The following AJAP1 variants were observed in gnomAD, a reference collection of about 807,000 sequenced individuals.
The protein encoded by AJAP1 is adherens junctions associated protein 1.
A neutral mutation model predicts 35.0 loss-of-function variants in AJAP1; 5 were observed. That is an observed-to-expected ratio of 0.14 (90% confidence interval 0.07 to 0.30). The LOEUF (loss-of-function observed/expected upper bound fraction) is 0.30, where lower values mean the gene tolerates loss of function less well. Among genes scored for constraint, AJAP1 ranks in the 10% least tolerant of loss-of-function variants. The pLI, the probability that AJAP1 is intolerant of heterozygous loss-of-function variation, is 1.00. For missense variants in AJAP1, 586 were observed against 571.0 expected, an observed-to-expected ratio of 1.03 and a Z score of -0.27; for synonymous variants, 284 against 249.3, an observed-to-expected ratio of 1.14 and a Z score of -1.31.
At chr1:4,732,644 G>C (rs1242152303) in intron 2 of AJAP1, among the ~76,000 whole-genome samples, 1 of 152,274 alleles carries the variant, frequency 6.6e-6, no homozygotes, top group Non-Finnish European at 1.5e-5. Flanking sequence ...GCCTGTGCAG[G>C]CAGGTGAGAG....
intron 2 of AJAP1, among the ~76,000 whole-genome samples, chr1:4,729,019 C>T (rs2100295472): frequency 6.6e-6 from 1 of 152,328 alleles, no homozygotes; most frequent in South Asian, 2.1e-4. Flanking sequence ...TGCCCACTGC[C>T]CTCCTGCTCA....
chr1:4,762,728 C>G (rs1203091040), intron 2 of AJAP1, among the ~76,000 whole-genome samples: 1 of 152,138 alleles, frequency 6.6e-6, no homozygotes, highest in Non-Finnish European at 1.5e-5. Flanking sequence ...AATTATTAAG[C>G]CTGAGGGTGA....
rs888288924 is a variant in AJAP1, at chr1:4,723,185, T to G, written c.829+10486T>G. ...CAACTCTTTCTTCAGCTGAAAGGGG[T>G]GCATTTAATTGAGAGGCAGAAGCTG... On this transcript the variant is annotated intron_variant, in intron 2 of 5. Coordinates refer to ENST00000378191, the MANE Select transcript of AJAP1 (RefSeq NM_018836.4). This position sits in a 1 kb window ranked among gnomAD's most constrained non-coding sequence, Gnocchi z 4.3. Among the ~76,000 whole-genome samples, 1 of 151,648 alleles carries G rather than the reference T, an allele frequency of 6.6e-6. No homozygotes were observed. Among genetic ancestry groups the G allele is most frequent in the Non-Finnish European group, 1.5e-5 (1 of 67,926 alleles).
At chr1:4,747,355 G>A (rs932125794) in intron 2 of AJAP1, among the ~76,000 whole-genome samples, 14 of 152,132 alleles carry the variant, frequency 9.2e-5, no homozygotes, top group African/African-American at 3.4e-4. Context: ...CCCGGCCTCT[G>A]TTGCCTCTCC....
In AJAP1 at chr1:4,792,134, T is replaced by A. The variant is rs1305556249; in HGVS notation, c.*9649T>A. 1 of 152,186 alleles carries A rather than the reference T, an allele frequency of 6.6e-6. No individual in the cohort carries two copies. The highest frequency in any genetic ancestry group is 2.4e-5 in the African/African-American group (1 of 41,436). 9.4% of individuals were successfully genotyped at this position (152,186 alleles called of 1,614,324 possible). On this transcript the variant is annotated 3_prime_UTR_variant, in exon 6 of 6. Coordinates refer to ENST00000378191, the MANE Select transcript of AJAP1 (RefSeq NM_018836.4). ...TTATTTATACTTTTACAAGGAGCACTTGTTATTTTTCAAAAGGAAAACAAA... is the reference window on the plus strand; with the variant it reads ...TTATTTATACTTTTACAAGGAGCACATGTTATTTTTCAAAAGGAAAACAAA...
In AJAP1 at chr1:4,657,022, C is replaced by T. The variant is rs142396152; in HGVS notation, c.29+1568C>T. Among the ~76,000 whole-genome samples the T allele has an allele frequency of 5.0e-3, 758 of 152,338 alleles. 17 individuals are homozygous for T. Among genetic ancestry groups the T allele is most frequent in the East Asian group, 0.047 (245 of 5,176 alleles). On this transcript the variant is annotated intron_variant, in intron 1 of 5. Transcript: ENST00000378191. ...GTGAATGACCAGACGGGTCCCCACACTGGCCAGTGGCTGGTCTTCAGCTCC... is the reference window on the plus strand; with the variant it reads ...GTGAATGACCAGACGGGTCCCCACATTGGCCAGTGGCTGGTCTTCAGCTCC...
At chr1:4,671,506 A>G (rs1255359246) in intron 1 of AJAP1, among the ~76,000 whole-genome samples, 1 of 152,018 alleles carries the variant, frequency 6.6e-6, no homozygotes, top group Non-Finnish European at 1.5e-5. Context: ...TTCTGTCTCA[A>G]AGGTATGGAG....
chr1:4,721,002 AG>A (rs1185884636), intron 2 of AJAP1, among the ~76,000 whole-genome samples: 1 of 152,140 alleles, frequency 6.6e-6, no homozygotes, highest in Non-Finnish European at 1.5e-5. Context: ...TGGGGGCTGG[AG>A]CCAGCACCAT....
chr1:4,764,766 C>T (rs957864472), intron 2 of AJAP1, among the ~76,000 whole-genome samples: 1 of 152,232 alleles, frequency 6.6e-6, no homozygotes, highest in Non-Finnish European at 1.5e-5. Flanking sequence ...AGGACCATCA[C>T]TCCCGCCATC....
At chr1:4,676,021 T>C (rs918676581) in intron 1 of AJAP1, among the ~76,000 whole-genome samples, 2 of 152,348 alleles carry the variant, frequency 1.3e-5, no homozygotes, top group South Asian at 2.1e-4. Flanking sequence ...CTCCCAGCTC[T>C]GTGTCCTCGT....
intron 2 of AJAP1, among the ~76,000 whole-genome samples, chr1:4,757,920 G>A (rs948869042): frequency 4.8e-5 from 7 of 145,748 alleles, no homozygotes; most frequent in African/African-American, 1.8e-4. Context: ...ATCCCTACCT[G>A]TTGTGGGAGG....
intron 2 of AJAP1, among the ~76,000 whole-genome samples, chr1:4,721,995 T>C (rs927243796): frequency 1.3e-5 from 2 of 152,152 alleles, no homozygotes; most frequent in African/African-American, 2.4e-5. Context: ...ATTTTATCTG[T>C]ATGTGTGCTG....
Position 4,673,830 on chromosome 1 carries a change from C to T in AJAP1, c.29+18376C>T, listed in dbSNP as rs981495546. On this transcript the variant is annotated intron_variant, in intron 1 of 5. Coordinates refer to ENST00000378191, the MANE Select transcript of AJAP1 (RefSeq NM_018836.4). ...CTTGTCCTCTGATCAAGGCTTTATACGAGTCATGGGCTCTGGAGAGGCTTT... is the reference window on the plus strand; with the variant it reads ...CTTGTCCTCTGATCAAGGCTTTATATGAGTCATGGGCTCTGGAGAGGCTTT... Among the ~76,000 whole-genome samples the T allele has an allele frequency of 6.6e-5, 10 of 152,106 alleles. No homozygotes were observed. In the South Asian group the frequency reaches 1.0e-3, roughly 16 times the overall value.
chr1:4,704,691 C>A (rs1017583610), intron 1 of AJAP1, among the ~76,000 whole-genome samples: 23 of 152,176 alleles, frequency 1.5e-4, no homozygotes, highest in Non-Finnish European at 2.6e-4. Flanking sequence ...ATGGCTGGGT[C>A]AAATGGTATT....
rs771542278 is a variant in AJAP1, at chr1:4,711,943, G to A, written c.73G>A (p.Ala25Thr). The A allele has an allele frequency of 5.1e-6, 8 of 1,555,948 alleles. No individual in the cohort carries two copies. Among genetic ancestry groups the A allele is most frequent in the Non-Finnish European group, 6.0e-6 (7 of 1,157,744 alleles). Residue 25 changes from alanine (A) to threonine (T), a missense_variant, in exon 2 of 6, where the codon GCC becomes ACC. Physicochemically the swap from Ala to Thr is moderately conservative, Grantham distance 58. Transcript: ENST00000378191. ...RWPGRPLGSH[A>T]WILIAMFQLA... is the part of the protein sequence containing the mutation. Reference sequence around the variant, plus strand: ...GCCGGGCCGCCCCCTCGGAAGCCATGCCTGGATACTGATAGCCATGTTTCA... The same window carrying A: ...GCCGGGCCGCCCCCTCGGAAGCCATACCTGGATACTGATAGCCATGTTTCA...
intron 2 of AJAP1, among the ~76,000 whole-genome samples, chr1:4,726,098 G>C (rs1191012976): frequency 6.6e-6 from 1 of 152,200 alleles, no homozygotes; most frequent in Non-Finnish European, 1.5e-5. Context: ...GCGGGATGGG[G>C]GAGGAAATGG....
At chr1:4,759,442 C>T (rs1027027224) in intron 2 of AJAP1, among the ~76,000 whole-genome samples, 6 of 152,168 alleles carry the variant, frequency 3.9e-5, no homozygotes, top group Admixed American at 2.6e-4. Flanking sequence ...TGATGTTAGT[C>T]CCAATTTGCA....
At chr1:4,687,253 G>A (rs935185392) in intron 1 of AJAP1, among the ~76,000 whole-genome samples, 3 of 152,230 alleles carry the variant, frequency 2.0e-5, no homozygotes, top group African/African-American at 4.8e-5. Flanking sequence ...CACTCGCTAT[G>A]TAGTGAGACC....
intron 4 of AJAP1, among the ~76,000 whole-genome samples, chr1:4,774,142 G>C (rs451162): frequency 0.79 from 120,277 of 152,204 alleles, 47,920 homozygotes; most frequent in African/African-American, 0.83. Context: ...AAACGAAAAT[G>C]TGGAGACGGC....
Sources: gnomAD v4.1 joint callset for allele counts (sites outside exome capture counted in the v4.1 genomes callset) on GRCh38, gnomAD v4.1.1 for gene constraint, Gnocchi (gnomAD v3.1) non-coding constraint, MANE v1.5 for transcripts, NCBI Gene and HGNC (gene_info 2026-07-23, HGNC 2026-07-21) for gene names.